Variants in GPAT4 observed in about 807,000 individuals in gnomAD.
The protein encoded by GPAT4 is 1-AGP acyltransferase 6.
In GPAT4, 17 loss-of-function variants were observed where a neutral mutation model predicts 58.0. The ratio of observed to expected loss-of-function variants is 0.29; its 90% CI spans 0.20 to 0.44. The LOEUF is 0.44. GPAT4 is among the 20% of genes least tolerant of loss of function. The probability of loss-of-function intolerance (pLI) is 1.00; values close to 1 mark genes in which losing one functional copy is unlikely to be tolerated. For missense variants in GPAT4, 377 were observed against 574.5 expected (o/e 0.66, Z 3.51); for synonymous variants, 204 against 210.1 (o/e 0.97, Z 0.25).
intron 10 of GPAT4, 123 bp downstream of exon 10, chr8:41,615,171 C>T (rs1803558275): frequency 1.2e-5 from 10 of 854,516 alleles, no homozygotes; most frequent in Middle Eastern, 3.0e-4. Context: ...AGCAGAGTGG[C>T]GTGGGGCTGG....
Position 41,599,080 on chromosome 8 carries a change from T to C in GPAT4, c.-60T>C, listed in dbSNP as rs1231199459. 2 of 1,561,104 alleles carry C rather than the reference T, an allele frequency of 1.3e-6. No individual in the cohort carries two copies. Among genetic ancestry groups the C allele is most frequent in the African/African-American group, 2.8e-5 (2 of 72,126 alleles). On this transcript the variant is annotated 5_prime_UTR_variant, in exon 2 of 13. Coordinates refer to ENST00000396987, the MANE Select transcript of GPAT4 (RefSeq NM_178819.4). Reference sequence around the variant, plus strand: ...TGGCTGGTGCTGTCAGGAAGGACCATCTGAAGGCTGCAATTTGTTCTTAGG... The same window carrying C: ...TGGCTGGTGCTGTCAGGAAGGACCACCTGAAGGCTGCAATTTGTTCTTAGG...
At chr8:41,612,345 T>C (rs1803469693) in intron 7 of GPAT4, 72 bp downstream of exon 7, 1 of 1,481,744 alleles carries the variant, frequency 6.7e-7, no homozygotes, top group Admixed American at 1.8e-5. Context: ...AGGAGGCTCC[T>C]GGACCCTTCA....
Position 41,599,004 on chromosome 8 carries a change from G to A in GPAT4, c.-136G>A. ...CCTTCTATTCAGGCGGTTGAAGGGT[G>A]TGGACTTTGGAATGGGGTTTGCTGT... On this transcript the variant is annotated 5_prime_UTR_variant, in exon 2 of 13. It adds an upstream start codon to the 5' untranslated region. Transcript: ENST00000396987. 23 of 1,199,562 alleles carry A rather than the reference G, an allele frequency of 1.9e-5. 1 individual carries two copies. The highest frequency in any genetic ancestry group is 5.9e-4 in the Middle Eastern group (2 of 3,400). The allele number at this position is 1,199,562 out of a possible 1,614,324, so 74.3% of individuals were successfully genotyped here.
intron 2 of GPAT4, among the ~76,000 whole-genome samples, chr8:41,603,220 G>T (rs1048762318): frequency 6.6e-6 from 1 of 152,106 alleles, no homozygotes; most frequent in African/African-American, 2.4e-5. Flanking sequence ...ATCGCCTGGG[G>T]AGGCATTTTA....
chr8:41,608,454 C>T (rs750290958), intron 2 of GPAT4, among the ~76,000 whole-genome samples: 2 of 152,226 alleles, frequency 1.3e-5, no homozygotes, highest in Non-Finnish European at 2.9e-5. Flanking sequence ...CTAGTGATAC[C>T]ATATCCAAGG....
At chr8:41,583,403 C>A (rs1292158384) in intron 1 of GPAT4, among the ~76,000 whole-genome samples, 1 of 151,730 alleles carries the variant, frequency 6.6e-6, no homozygotes, top group Non-Finnish European at 1.5e-5. Flanking sequence ...TCTATGAGAT[C>A]ATTTTTAGCT....
chr8:41,582,696 G>GTGTGT (rs1563266509), intron 1 of GPAT4, among the ~76,000 whole-genome samples: 1 of 115,176 alleles, frequency 8.7e-6, no homozygotes, highest in Non-Finnish European at 1.9e-5. Context: ...TGTGTGTGTG[G>GTGTGT]GTGTATCTCA....
intron 1 of GPAT4, among the ~76,000 whole-genome samples, chr8:41,583,543 A>G (rs1802579023): frequency 1.3e-5 from 2 of 152,204 alleles, no homozygotes; most frequent in Non-Finnish European, 2.9e-5. Flanking sequence ...ATTACTTTGA[A>G]ACATAATCAA....
At chr8:41,585,860 TCAC>T (rs1304844813) in intron 1 of GPAT4, among the ~76,000 whole-genome samples, 1 of 152,246 alleles carries the variant, frequency 6.6e-6, no homozygotes, top group Non-Finnish European at 1.5e-5. Flanking sequence ...TCCAGTCTAA[TCAC>T]CATAATGTAT....
intron 1 of GPAT4, among the ~76,000 whole-genome samples, chr8:41,590,326 AT>A (rs1410989646): frequency 2.6e-5 from 4 of 152,200 alleles, no homozygotes; most frequent in African/African-American, 9.7e-5. Flanking sequence ...ACCTCAGGTG[AT>A]CCACCTGCCT....
At chr8:41,608,937 T>G (rs1180198836) in intron 2 of GPAT4, among the ~76,000 whole-genome samples, 1 of 152,238 alleles carries the variant, frequency 6.6e-6, no homozygotes, top group East Asian at 1.9e-4. Context: ...CTCCTGTTAC[T>G]GGACAGTCCA....
intron 1 of GPAT4, among the ~76,000 whole-genome samples, chr8:41,589,464 G>A (rs2150484514): frequency 6.6e-6 from 1 of 152,244 alleles, no homozygotes; most frequent in South Asian, 2.1e-4. Context: ...TTCCTATAAG[G>A]GGCAGATAGT....
chr8:41,616,029 C>G (rs1182827683), intron 10 of GPAT4, among the ~76,000 whole-genome samples: 2 of 152,192 alleles, frequency 1.3e-5, no homozygotes, highest in Non-Finnish European at 2.9e-5. Context: ...CTCACCAGAG[C>G]CTGAGGATGC....
chr8:41,620,986 C>T lies in GPAT4; in HGVS notation c.1356C>T (p.Asp452=), dbSNP rs1484505834. ...YSKMIVGNHK[D]RSRS ...AGATGATCGTGGGGAACCACAAGGACAGGAGCCGCTCCTGAGCCTGCCTCC... is the reference window on the plus strand; with the variant it reads ...AGATGATCGTGGGGAACCACAAGGATAGGAGCCGCTCCTGAGCCTGCCTCC... The change falls in exon 13 of 13, where the codon GAC becomes GAT. Residue 452 remains aspartate (D), a synonymous_variant. Transcript: ENST00000396987. The T allele has an allele frequency of 1.9e-6, 3 of 1,551,140 alleles. No homozygotes were observed. Among genetic ancestry groups the T allele is most frequent in the Non-Finnish European group, 2.6e-6 (3 of 1,147,054 alleles).
intron 10 of GPAT4, among the ~76,000 whole-genome samples, chr8:41,615,848 T>C (rs1803581609): frequency 6.6e-6 from 1 of 152,256 alleles, no homozygotes; most frequent in South Asian, 2.1e-4. Context: ...CAGAGCATTC[T>C]GTAGAGTTGG....
At chr8:41,617,616 T>C (rs1184936113) in intron 10 of GPAT4, among the ~76,000 whole-genome samples, 1 of 152,210 alleles carries the variant, frequency 6.6e-6, no homozygotes, top group Non-Finnish European at 1.5e-5. Context: ...AAACTTAGGC[T>C]GGAAAGGCCT....
chr8:41,617,475 A>G (rs760475472), intron 10 of GPAT4, among the ~76,000 whole-genome samples: 8 of 152,242 alleles, frequency 5.3e-5, no homozygotes, highest in Non-Finnish European at 1.2e-4. Context: ...TGGTATTATA[A>G]TAACACATTA....
intron 1 of GPAT4, among the ~76,000 whole-genome samples, chr8:41,586,868 C>G (rs10110966): frequency 6.6e-6 from 1 of 152,054 alleles, no homozygotes; most frequent in African/African-American, 2.4e-5. Context: ...TCAACTGGCT[C>G]CACATCAGAA....
intron 1 of GPAT4, among the ~76,000 whole-genome samples, chr8:41,594,191 A>G (rs1187147645): frequency 6.6e-6 from 1 of 152,216 alleles, no homozygotes; most frequent in African/African-American, 2.4e-5. Flanking sequence ...TTTAATGTTC[A>G]GTTTACAGAA....
Sources: allele counts gnomAD v4.1 joint callset (sites outside exome capture counted in the v4.1 genomes callset), GRCh38; gene constraint gnomAD v4.1.1; transcripts MANE v1.5; gene names NCBI Gene and HGNC (gene_info 2026-07-23, HGNC 2026-07-21).